Variants in GTF3A observed in about 807,000 individuals in gnomAD.
GTF3A encodes the protein general transcription factor IIIA, also known as transcription factor IIIA.
GTF3A carries 40 observed loss-of-function variants against 37.6 expected under a neutral mutation model. The observed-to-expected ratio is 1.06, with a 90% CI of 0.83 to 1.38. The LOEUF (loss-of-function observed/expected upper bound fraction) is 1.38. GTF3A is among the 40% of genes most tolerant of loss of function. The probability of loss-of-function intolerance (pLI) is 0.00; values close to 1 mark genes in which losing one functional copy is unlikely to be tolerated. For synonymous variants in GTF3A, 191 were observed against 166.7 expected, an observed-to-expected ratio of 1.15 and a Z score of -1.12; for missense variants, 500 against 462.6, an observed-to-expected ratio of 1.08 and a Z score of -0.74.
intron 2 of GTF3A, among the ~76,000 whole-genome samples, chr13:27,428,413 T>C (rs1953625940): frequency 6.6e-6 from 1 of 152,206 alleles, no homozygotes. Context: ...TGCCCTCCCG[T>C]GTGCTTCCCT....
intron 1 of GTF3A, 28 bp downstream of exon 1, chr13:27,424,966 G>T: frequency 6.6e-7 from 1 of 1,510,074 alleles, no homozygotes; most frequent in African/African-American, 1.4e-5. Flanking sequence ...GCCAACCCTG[G>T]GCCTAGGGAT....
rs1184242682 is a variant in GTF3A at position 27,424,712 on chromosome 13, G to A, written c.-26G>A. ...GTCTCGGCACGTGGCAGCGCGCCTGGCCCTGGGCTTGGAGGCGCCGGCGCC... is the reference window on the plus strand; with the variant it reads ...GTCTCGGCACGTGGCAGCGCGCCTGACCCTGGGCTTGGAGGCGCCGGCGCC... On this transcript the variant is annotated 5_prime_UTR_variant, in exon 1 of 9. Transcript: ENST00000381140. The A allele has an allele frequency of 1.1e-5, 15 of 1,404,774 alleles. No homozygotes were observed. The highest frequency in any genetic ancestry group is 1.4e-5 in the Non-Finnish European group (15 of 1,083,536). 87.0% of individuals were successfully genotyped at this position (1,404,774 alleles called of 1,614,324 possible).
At chr13:27,432,900 T>G (rs1953670290) in intron 5 of GTF3A, 96 bp downstream of exon 5, 1 of 984,836 alleles carries the variant, frequency 1.0e-6, no homozygotes, top group African/African-American at 1.6e-5. Flanking sequence ...ATGGGAACCC[T>G]GTGAACAGGG....
At chr13:27,428,071 T>A (rs1953622270) in intron 2 of GTF3A, among the ~76,000 whole-genome samples, 2 of 152,124 alleles carry the variant, frequency 1.3e-5, no homozygotes, top group Non-Finnish European at 2.9e-5. Flanking sequence ...GGCCAGGAGT[T>A]CAGGCTGGGC....
chr13:27,435,638 C>T lies in GTF3A; in HGVS notation c.*41C>T, dbSNP rs754999877. ...GTTTAAAGGACTGCAGACCAAGGAG[C>T]GAGCTTTCTCTCAGAGCATGCTTTT... On this transcript the variant is annotated 3_prime_UTR_variant, in exon 9 of 9. Transcript: ENST00000381140. 5.0e-6 allele frequency: 8 copies of T among 1,611,168 alleles called. No individual in the cohort carries two copies. Among genetic ancestry groups the T allele is most frequent in the Non-Finnish European group, 5.9e-6 (7 of 1,177,558 alleles).
chr13:27,435,741 G>A lies in GTF3A; in HGVS notation c.*144G>A. The A allele has an allele frequency of 1.9e-6, 3 of 1,613,880 alleles. No individual in the cohort carries two copies. The highest frequency in any genetic ancestry group is 1.7e-6 in the Non-Finnish European group (2 of 1,179,922). ...CTTTGTTCAAAGTGTCTCTTTCCTGGGTCTCTTGAGTTTCTTTATATGCCT... is the reference window on the plus strand; with the variant it reads ...CTTTGTTCAAAGTGTCTCTTTCCTGAGTCTCTTGAGTTTCTTTATATGCCT... On this transcript the variant is annotated 3_prime_UTR_variant, in exon 9 of 9. Transcript: ENST00000381140.
intron 2 of GTF3A, chr13:27,429,271 A>G (rs1488417487): frequency 6.7e-6 from 1 of 148,568 alleles, no homozygotes; most frequent in Non-Finnish European, 1.5e-5. Context: ...ACGAAGGCTC[A>G]TCACAAGAGG....
Position 27,435,171 on chromosome 13 carries a change from CAAG to C in GTF3A, c.918_920del (p.Lys307del). The stretch of plus-strand genomic sequence containing the variant: ...GGCATGCTGTTGTACATGATCCTGA[CAAG>C]AAGAAAATGAAGCTCAAAGTAAGTT... On this transcript the variant is annotated inframe_deletion, in exon 8 of 9. Coordinates refer to ENST00000381140, the MANE Select transcript of GTF3A (RefSeq NM_002097.3). 1 of 1,598,902 alleles carries C rather than the reference CAAG, an allele frequency of 6.3e-7. No homozygotes were observed.
At chr13:27,433,753 T>C (rs1030163006) in intron 5 of GTF3A, among the ~76,000 whole-genome samples, 1 of 151,772 alleles carries the variant, frequency 6.6e-6, no homozygotes, top group Non-Finnish European at 1.5e-5. Context: ...GGAAGGGAAA[T>C]AAGACATGGA....
chr13:27,431,996 G>A (rs1953661937), intron 4 of GTF3A, among the ~76,000 whole-genome samples: 1 of 152,228 alleles, frequency 6.6e-6, no homozygotes. Context: ...AATAGAGCCT[G>A]TGCAACTATA....
At chr13:27,427,670 G>A (rs1953617808) in intron 2 of GTF3A, among the ~76,000 whole-genome samples, 2 of 152,132 alleles carry the variant, frequency 1.3e-5, no homozygotes, top group African/African-American at 4.8e-5. Flanking sequence ...AAAAGCTAGG[G>A]GGTAGGGGGA....
intron 4 of GTF3A, among the ~76,000 whole-genome samples, chr13:27,431,298 A>G (rs889361703): frequency 2.0e-5 from 3 of 152,198 alleles, no homozygotes; most frequent in African/African-American, 4.8e-5. Flanking sequence ...AAGTCTGGTC[A>G]AAGGAAAAGA....
chr13:27,435,318 C>A (rs1371873705), intron 8 of GTF3A, 115 bp from the exon 9 acceptor site: 11 of 1,288,862 alleles, frequency 8.5e-6, no homozygotes, highest in Non-Finnish European at 1.2e-5. Context: ...GAAGACTTTA[C>A]TTCCTCATAA....
chr13:27,434,515 G>GCA, intron 6 of GTF3A: 1 of 514,734 alleles, frequency 1.9e-6, no homozygotes, highest in South Asian at 2.6e-5. Flanking sequence ...GCATACTGGG[G>GCA]GACAAGGAAG....
At position 27,435,531 on chromosome 13, in the gene GTF3A, C is replaced by T. The variant is rs764190355; in HGVS notation, c.1032C>T (p.Asn344=). 7 of 1,613,312 alleles carry T rather than the reference C, an allele frequency of 4.3e-6. No individual in the cohort carries two copies. Among genetic ancestry groups the T allele is most frequent in the South Asian group, 1.1e-5 (1 of 91,042 alleles). Residue 344 remains asparagine (N), a synonymous_variant, in exon 9 of 9, where the codon AAC becomes AAT. Transcript: ENST00000381140. Reference sequence around the variant, plus strand: ...GGCAAGGCTTATCTTTGTGTCAAAACGGAGAGTCACCCAACTGTGTGGAAG... The same window carrying T: ...GGCAAGGCTTATCTTTGTGTCAAAATGGAGAGTCACCCAACTGTGTGGAAG...
At position 27,435,737 on chromosome 13, in the gene GTF3A, C is replaced by G. The variant is rs535577082; in HGVS notation, c.*140C>G. 1.2e-6 allele frequency: 2 copies of G among 1,614,022 alleles called. No individual in the cohort carries two copies. Among genetic ancestry groups the G allele is most frequent in the South Asian group, 1.1e-5 (1 of 91,072 alleles). On this transcript the variant is annotated 3_prime_UTR_variant, in exon 9 of 9. Transcript: ENST00000381140. ...TGGTCTTTGTTCAAAGTGTCTCTTT[C>G]CTGGGTCTCTTGAGTTTCTTTATAT... is the stretch of plus-strand genomic sequence containing the variant.
At chr13:27,430,015 C>T in intron 3 of GTF3A, 49 bp downstream of exon 3, 2 of 989,022 alleles carry the variant, frequency 2.0e-6, no homozygotes, top group Non-Finnish European at 3.0e-6. Flanking sequence ...TTTACACTTA[C>T]TGCCTATGTT....
chr13:27,427,619 G>A (rs1375142291), intron 2 of GTF3A, among the ~76,000 whole-genome samples: 7 of 152,074 alleles, frequency 4.6e-5, no homozygotes, highest in African/African-American at 1.7e-4. Context: ...GAAAAACCAA[G>A]GTGCAGAAGA....
At position 27,434,996 on chromosome 13, in the gene GTF3A, T is replaced by G; in HGVS notation, c.835T>G (p.Cys279Gly). 7 of 1,610,850 alleles carry G rather than the reference T, an allele frequency of 4.3e-6. No homozygotes were observed. The highest frequency in any genetic ancestry group is 5.9e-6 in the Non-Finnish European group (7 of 1,176,998). ...CCATGAGGAAAGCCGCCCTTTTGTG[T>G]GTGAACATGCTGGCTGTGGCAAAAC... Residue 279 changes from cysteine (C) to glycine (G), a missense_variant, in exon 7 of 9, where the codon TGT becomes GGT. Transcript: ENST00000381140.
Sources: allele counts gnomAD v4.1 joint callset (sites outside exome capture counted in the v4.1 genomes callset), GRCh38; gene constraint gnomAD v4.1.1; transcripts MANE v1.5; gene names NCBI Gene and HGNC (gene_info 2026-07-23, HGNC 2026-07-21).